NR3C2: variants seen among roughly 807,000 people sequenced by gnomAD.
NR3C2 encodes the protein mineralocorticoid receptor.
Under a neutral mutation model 86.4 loss-of-function variants are expected in NR3C2, and 15 were observed. The observed-to-expected ratio is 0.17, with a 90% CI of 0.12 to 0.27. NR3C2 has a LOEUF of 0.27. Among genes scored for constraint, NR3C2 ranks in the 10% least tolerant of loss-of-function variants. NR3C2 has a pLI of 1.00. For missense variants in NR3C2, 960 were observed against 1,195.6 expected, an observed-to-expected ratio of 0.80 and a Z score of 2.91; for synonymous variants, 458 against 450.5, an observed-to-expected ratio of 1.02 and a Z score of -0.21.
intron 2 of NR3C2, among the ~76,000 whole-genome samples, chr4:148,323,136 C>G (rs1743719490): frequency 6.7e-6 from 1 of 149,864 alleles, no homozygotes; most frequent in Non-Finnish European, 1.5e-5. Flanking sequence ...GAATACCCTG[C>G]CCTGTGAGGT....
intron 2 of NR3C2, among the ~76,000 whole-genome samples, chr4:148,384,185 C>T (rs941680817): frequency 6.6e-6 from 1 of 151,424 alleles, no homozygotes; most frequent in Non-Finnish European, 1.5e-5. Flanking sequence ...TTTCTATTAC[C>T]AAAAATATTT....
At chr4:148,375,199 T>C (rs1746613452) in intron 2 of NR3C2, among the ~76,000 whole-genome samples, 1 of 152,216 alleles carries the variant, frequency 6.6e-6, no homozygotes, top group Non-Finnish European at 1.5e-5. Flanking sequence ...CTCACGCCTG[T>C]ATCCTCACCA....
intron 4 of NR3C2, among the ~76,000 whole-genome samples, chr4:148,192,169 C>G (rs1256861827): frequency 2.0e-5 from 3 of 152,184 alleles, no homozygotes; most frequent in Non-Finnish European, 4.4e-5. Flanking sequence ...TCTTTTGTCC[C>G]ACAGGGTGTT....
chr4:148,126,456 A>G (rs185350762), intron 6 of NR3C2, among the ~76,000 whole-genome samples: 2 of 152,358 alleles, frequency 1.3e-5, no homozygotes, highest in Admixed American at 1.3e-4. Flanking sequence ...AATTATTTCT[A>G]TATAGAAGAT....
At chr4:148,122,771 A>G (rs979530180) in intron 6 of NR3C2, among the ~76,000 whole-genome samples, 1 of 152,224 alleles carries the variant, frequency 6.6e-6, no homozygotes, top group South Asian at 2.1e-4. Flanking sequence ...GCCTGTCTTT[A>G]ATCTCTTAAT....
At chr4:148,411,817 T>G (rs1238655264) in intron 2 of NR3C2, among the ~76,000 whole-genome samples, 4 of 152,180 alleles carry the variant, frequency 2.6e-5, no homozygotes, top group Admixed American at 2.6e-4. Flanking sequence ...GAATAAATAG[T>G]TTTCCTTTAT....
At chr4:148,394,709 T>C (rs1005631645) in intron 2 of NR3C2, among the ~76,000 whole-genome samples, 2 of 152,074 alleles carry the variant, frequency 1.3e-5, no homozygotes, top group African/African-American at 2.4e-5. Context: ...ATTAAAAACA[T>C]GTAGCATCAG....
intron 2 of NR3C2, among the ~76,000 whole-genome samples, chr4:148,390,410 T>C (rs1201071600): frequency 6.6e-6 from 1 of 151,768 alleles, no homozygotes; most frequent in Non-Finnish European, 1.5e-5. Flanking sequence ...GGGTTTAGGG[T>C]TAGGTAAGAA....
chr4:148,167,973 T>C (rs1468468502), intron 4 of NR3C2, among the ~76,000 whole-genome samples: 2 of 152,312 alleles, frequency 1.3e-5, no homozygotes, highest in South Asian at 2.1e-4. Flanking sequence ...GGGGACCTAA[T>C]GCTGTTTTCT....
chr4:148,320,293 T>A (rs9654229), intron 2 of NR3C2, among the ~76,000 whole-genome samples: 70,250 of 71,418 alleles, frequency 0.98, 34,878 homozygotes, highest in East Asian at 1. Context: ...TTTTATTGAG[T>A]ATTTTTGCAT....
At chr4:148,325,221 C>G (rs1180825623) in intron 2 of NR3C2, among the ~76,000 whole-genome samples, 3 of 152,056 alleles carry the variant, frequency 2.0e-5, no homozygotes, top group African/African-American at 4.8e-5. Flanking sequence ...AAAGTTCTCT[C>G]AGTTCTGCTA....
chr4:148,207,747 T>C (rs1052284819), intron 3 of NR3C2, among the ~76,000 whole-genome samples: 3 of 152,154 alleles, frequency 2.0e-5, no homozygotes, highest in African/African-American at 4.8e-5. Context: ...CCTTTATCCA[T>C]GAGGGACATG....
At chr4:148,261,133 A>C (rs1440590396) in intron 2 of NR3C2, among the ~76,000 whole-genome samples, 5 of 152,236 alleles carry the variant, frequency 3.3e-5, no homozygotes, top group Non-Finnish European at 7.3e-5. Flanking sequence ...ATCTAGTAGC[A>C]ACACTTCATA....
rs1326849831 is a variant in NR3C2, at chr4:148,196,691, A to G, written c.1898-1829T>C. 2.6e-5 allele frequency among the ~76,000 whole-genome samples: 4 copies of G among 152,236 alleles called. No homozygotes were observed. The East Asian group carries it at 5.8e-4, about 22-fold the overall frequency. ...TCTAAAGTATATTCTCTAATATTAT[A>G]GTAAATCTTAGTAATAACAATAAAA... On this transcript the variant is annotated intron_variant, in intron 3 of 8. Transcript: ENST00000358102.
chr4:148,141,673 C>A (rs1250904283), intron 6 of NR3C2, among the ~76,000 whole-genome samples: 1 of 152,186 alleles, frequency 6.6e-6, no homozygotes, highest in Non-Finnish European at 1.5e-5. Context: ...CTGGGCCACA[C>A]AGCAGGTGGT....
intron 3 of NR3C2, among the ~76,000 whole-genome samples, chr4:148,229,355 T>A (rs912561507): frequency 5.9e-5 from 9 of 152,194 alleles, no homozygotes; most frequent in Non-Finnish European, 1.3e-4. Flanking sequence ...ACTTTCTTTT[T>A]ACCTAATAAA....
rs1730433992 is a variant in NR3C2, at chr4:148,079,317, T to G, written c.*2027A>C. 1 of 152,206 alleles carries G rather than the reference T, an allele frequency of 6.6e-6. No individual in the cohort carries two copies. Among genetic ancestry groups the G allele is most frequent in the Non-Finnish European group, 1.5e-5 (1 of 68,042 alleles). 9.4% of individuals were successfully genotyped at this position (152,206 alleles called of 1,614,324 possible). A position where few individuals can be genotyped will look rare whatever the true frequency, so the allele number is the denominator to read the frequency against. On this transcript the variant is annotated 3_prime_UTR_variant, in exon 9 of 9. Transcript: ENST00000358102. ...TAAATTCCTGAAATTGCAAATTATGTAAGAAAAACTCCTCCCTCTGAGTGC... is the reference window on the plus strand; with the variant it reads ...TAAATTCCTGAAATTGCAAATTATGGAAGAAAAACTCCTCCCTCTGAGTGC...
chr4:148,299,046 T>C lies in NR3C2; in HGVS notation c.1758-38929A>G, dbSNP rs146697436. On this transcript the variant is annotated intron_variant, in intron 2 of 8. Coordinates refer to ENST00000358102, the MANE Select transcript of NR3C2 (RefSeq NM_000901.5). Reference sequence around the variant, plus strand: ...CTTCAGCTCATGCATGGTGGCCCAGTATTCAATACGTGAGGTGGGAGCCTA... The same window carrying C: ...CTTCAGCTCATGCATGGTGGCCCAGCATTCAATACGTGAGGTGGGAGCCTA... 3.2e-3 allele frequency among the ~76,000 whole-genome samples: 487 copies of C among 152,310 alleles called. 4 individuals carry two copies. Among genetic ancestry groups the C allele is most frequent in the African/African-American group, 0.011 (457 of 41,556 alleles).
At chr4:148,284,247 G>A (rs1302405580) in intron 2 of NR3C2, among the ~76,000 whole-genome samples, 1 of 151,918 alleles carries the variant, frequency 6.6e-6, no homozygotes, top group Non-Finnish European at 1.5e-5. Context: ...CTCTTGCTGG[G>A]GATTCAAAAA....
Sources: gnomAD v4.1 joint callset for allele counts (sites outside exome capture counted in the v4.1 genomes callset) on GRCh38, gnomAD v4.1.1 for gene constraint, MANE v1.5 for transcripts, NCBI Gene and HGNC (gene_info 2026-07-23, HGNC 2026-07-21) for gene names.